Variants in DNAH5 observed in about 807,000 individuals in gnomAD.
DNAH5 encodes the protein dynein axonemal heavy chain 5, also known as axonemal beta dynein heavy chain 5.
DNAH5 carries 372 observed loss-of-function variants against 518.2 expected under a neutral mutation model. The observed-to-expected ratio is 0.72, with a 90% confidence interval of 0.66 to 0.78. The LOEUF is 0.78. DNAH5 is among the 30% of genes least tolerant of loss of function. The pLI is 0.00. For missense variants in DNAH5, 5,523 were observed against 5,687.0 expected, an observed-to-expected ratio of 0.97 and a Z score of 0.93; for synonymous variants, 2,039 against 2,025.9, an observed-to-expected ratio of 1.01 and a Z score of -0.17.
intron 3 of DNAH5, among the ~76,000 whole-genome samples, chr5:13,925,479 G>A (rs894493319): frequency 2.0e-5 from 3 of 152,288 alleles, no homozygotes; most frequent in African/African-American, 7.2e-5. Flanking sequence ...ACAAAAGAAA[G>A]AGGTTTGATT....
chr5:13,720,138 A>C (rs1333987856), intron 71 of DNAH5, among the ~76,000 whole-genome samples: 2 of 151,460 alleles, frequency 1.3e-5, no homozygotes, highest in African/African-American at 4.9e-5. Flanking sequence ...CAAGCACTAG[A>C]TCTAAAGTCT....
intron 41 of DNAH5, among the ~76,000 whole-genome samples, chr5:13,818,071 A>G (rs958020935): frequency 8.5e-5 from 13 of 152,234 alleles, no homozygotes; most frequent in Non-Finnish European, 1.0e-4. Flanking sequence ...AAGATGCCTC[A>G]TTCACTGCAT....
At chr5:13,767,050 G>T (rs1752601579) in intron 58 of DNAH5, among the ~76,000 whole-genome samples, 1 of 151,982 alleles carries the variant, frequency 6.6e-6, no homozygotes, top group African/African-American at 2.4e-5. Flanking sequence ...TGAGGACAAA[G>T]AAAAAACACT....
chr5:13,691,648 C>T lies in DNAH5; in HGVS notation c.*336G>A, dbSNP rs1300512337. The T allele has an allele frequency of 4.4e-5, 12 of 273,948 alleles. 1 individual carries two copies. In the South Asian group the frequency reaches 4.8e-4, roughly 11 times the overall value. 17.0% of individuals were successfully genotyped at this position (273,948 alleles called of 1,614,324 possible). A position where few individuals can be genotyped will look rare whatever the true frequency, so the allele number is the denominator to read the frequency against. ...AGGCCACGTTAACAGAAGAATAATT[C>T]CTCCCAGAGAAATACTGTCTGCTTA... On this transcript the variant is annotated 3_prime_UTR_variant, in exon 79 of 79. Transcript: ENST00000265104.
intron 21 of DNAH5, among the ~76,000 whole-genome samples, chr5:13,879,927 G>A (rs1004265918): frequency 1.3e-5 from 2 of 152,052 alleles, no homozygotes; most frequent in Non-Finnish European, 2.9e-5. Context: ...GCCTGGGGGA[G>A]GAAATAGAAA....
intron 15 of DNAH5, among the ~76,000 whole-genome samples, chr5:13,895,880 T>C (rs1773862248): frequency 1.3e-5 from 2 of 152,090 alleles, no homozygotes; most frequent in South Asian, 2.1e-4. Flanking sequence ...AGTGACTTTA[T>C]CCTTCCAGTC....
intron 75 of DNAH5, among the ~76,000 whole-genome samples, chr5:13,709,939 G>C (rs560579432): frequency 6.6e-6 from 1 of 152,028 alleles, no homozygotes; most frequent in Non-Finnish European, 1.5e-5. Context: ...GCCTATTGCC[G>C]GTTTCTCTTC....
intron 40 of DNAH5, among the ~76,000 whole-genome samples, chr5:13,822,983 C>T (rs544070506): frequency 1.8e-4 from 28 of 152,346 alleles, no homozygotes; most frequent in Non-Finnish European, 4.0e-4. Flanking sequence ...TGACCAATCA[C>T]ATTTCATTTC....
intron 1 of DNAH5, among the ~76,000 whole-genome samples, chr5:13,984,101 G>A (rs1024917471): frequency 6.6e-6 from 1 of 152,170 alleles, no homozygotes; most frequent in African/African-American, 2.4e-5. Flanking sequence ...GCAGGAGAGG[G>A]GGGCAGAGAA....
In DNAH5 at chr5:13,714,469, G is replaced by A. The variant is rs201172384; in HGVS notation, c.13061C>T (p.Ala4354Val). Reference protein sequence around the residue: ...TSGGGDETREAVVARLADDML... With the variant: ...TSGGGDETREVVVARLADDML... ...ATCATCAGCCAGCCGGGCCACCACC[G>A]CCTCCCGGGTCTCATCCCCTCCACC... The change falls in exon 75 of 79, where the codon GCG becomes GTG. Residue 4354 changes from alanine (A) to valine (V), a missense_variant. Transcript: ENST00000265104. 2.4e-5 allele frequency: 39 copies of A among 1,614,102 alleles called. No individual in the cohort carries two copies. In the East Asian group the frequency reaches 4.0e-4, roughly 17 times the overall value.
At chr5:13,951,426 C>T (rs1402322803) in intron 1 of DNAH5, among the ~76,000 whole-genome samples, 2 of 151,690 alleles carry the variant, frequency 1.3e-5, no homozygotes, top group Non-Finnish European at 2.9e-5. Context: ...TCCTATGTTG[C>T]CCAGACTGGT....
chr5:13,752,237 G>A lies in DNAH5; in HGVS notation c.10925C>T (p.Ser3642Phe), dbSNP rs745531216. 6.2e-7 allele frequency: 1 copy of A among 1,614,046 alleles called. No individual in the cohort carries two copies. Among genetic ancestry groups the A allele is most frequent in the South Asian group, 1.1e-5 (1 of 91,082 alleles). Reference protein sequence around the residue: ...YFRNHLEDSLSLGRPLLIEDV... With the variant: ...YFRNHLEDSLFLGRPLLIEDV... ...TTCAATAAGCAAAGGCCTTCCAAGA[G>A]AAAGGCTGTCTTCCAGGTGGTTTCT... Residue 3642 changes from serine to phenylalanine, a missense_variant, in exon 64 of 79, where the codon TCT (serine) becomes TTT (phenylalanine). Ser to Phe is a radical substitution (Grantham distance 155). This residue lies in a region of DNAH5 where 5,121 missense variants were observed against 5,223.3 expected (regional missense o/e 0.98). Coordinates refer to ENST00000265104, the MANE Select transcript of DNAH5 (RefSeq NM_001369.3).
In DNAH5 at chr5:13,792,050, A is replaced by T; in HGVS notation, c.8392T>A (p.Ser2798Thr). The change falls in exon 50 of 79, where the codon TCT becomes ACT. Residue 2798 changes from serine (S) to threonine (T), a missense_variant. Transcript: ENST00000265104. ...TTCAGCATTCCCTGCCAGACCCGAG[A>T]AAGATCTCGTAGGTTAAACACATAA... ...FHYVFNLRDL[S>T]RVWQGMLNTT... 1 of 1,614,056 alleles carries T rather than the reference A, an allele frequency of 6.2e-7. No individual in the cohort carries two copies. The highest frequency in any genetic ancestry group is 8.5e-7 in the Non-Finnish European group (1 of 1,179,982).
At chr5:13,849,229 T>G (rs1204046346) in intron 31 of DNAH5, among the ~76,000 whole-genome samples, 1 of 151,150 alleles carries the variant, frequency 6.6e-6, no homozygotes, top group African/African-American at 2.5e-5. Context: ...CCCTGTCCTC[T>G]GCATTCTTGT....
chr5:13,927,134 G>T (rs2152002707), intron 3 of DNAH5, among the ~76,000 whole-genome samples: 1 of 151,854 alleles, frequency 6.6e-6, no homozygotes, highest in Non-Finnish European at 1.5e-5. Flanking sequence ...TTCCTACTTA[G>T]GCCTTTAAAA....
At chr5:13,862,973 C>G (rs940136867) in intron 28 of DNAH5, among the ~76,000 whole-genome samples, 1 of 151,962 alleles carries the variant, frequency 6.6e-6, no homozygotes, top group African/African-American at 2.4e-5. Flanking sequence ...AAAAATAGAA[C>G]TTTAATTTAT....
intron 74 of DNAH5, among the ~76,000 whole-genome samples, chr5:13,715,040 C>A (rs1744107271): frequency 6.6e-6 from 1 of 151,852 alleles, no homozygotes; most frequent in South Asian, 2.1e-4. Context: ...AATCGTGGTC[C>A]AAATAAAGGC....
At chr5:13,709,678 C>T (rs1743235458) in intron 75 of DNAH5, among the ~76,000 whole-genome samples, 2 of 152,256 alleles carry the variant, frequency 1.3e-5, no homozygotes, top group African/African-American at 4.8e-5. Flanking sequence ...GTGAAGGAGG[C>T]GGTCTGCTCC....
In DNAH5 at chr5:13,771,245, T is replaced by C. The variant is rs1225451522; in HGVS notation, c.9374-265A>G. 5 of 462,440 alleles carry C rather than the reference T, an allele frequency of 1.1e-5. No individual in the cohort carries two copies. The East Asian group carries it at 1.7e-4, about 15-fold the overall frequency. The allele number at this position is 462,440 out of a possible 1,614,324, so 28.6% of individuals were successfully genotyped here. On this transcript the variant is annotated intron_variant, in intron 55 of 78. Coordinates refer to ENST00000265104, the MANE Select transcript of DNAH5 (RefSeq NM_001369.3). ...GGTGCTTGTGCAGAGACATCTCTTC[T>C]ACACAGCTGCAGGTTCTGGTCAGCA... is the stretch of plus-strand genomic sequence containing the variant.
Sources: allele counts gnomAD v4.1 joint callset (sites outside exome capture counted in the v4.1 genomes callset), GRCh38; gene constraint gnomAD v4.1.1; regional missense constraint gnomAD v4.1.1; transcripts MANE v1.5; gene names NCBI Gene and HGNC (gene_info 2026-07-23, HGNC 2026-07-21).